Variants in CEP63 observed in about 807,000 individuals in gnomAD.
CEP63 encodes the protein centrosomal protein 63.
CEP63 carries 84 observed loss-of-function variants against 89.1 expected under a neutral mutation model. The ratio of observed to expected loss-of-function variants is 0.94; its 90% CI spans 0.79 to 1.13. The LOEUF is 1.13. Ranked by LOEUF, CEP63 falls within the 50% of genes most tolerant of loss-of-function variation. The pLI, the probability that CEP63 is intolerant of heterozygous loss-of-function variation, is 0.00. For missense variants in CEP63, 838 were observed against 813.3 expected (o/e 1.03, Z -0.37); for synonymous variants, 267 against 272.5 (o/e 0.98, Z 0.20).
the CEP63 span, among the ~76,000 whole-genome samples, chr3:134,692,216 C>T: frequency 1.3e-5 from 2 of 152,092 alleles, no homozygotes; most frequent in African/African-American, 2.4e-5. Context: ...CCCATTAACT[C>T]GTCATTTACA....
downstream of CEP63, among the ~76,000 whole-genome samples, chr3:134,566,665 A>G (rs892583195): frequency 2.6e-5 from 4 of 152,232 alleles, no homozygotes; most frequent in Non-Finnish European, 5.9e-5. Context: ...ACAGATGGCT[A>G]TTAAGCAAAT....
the CEP63 span, among the ~76,000 whole-genome samples, chr3:134,689,953 T>A: frequency 3.3e-5 from 5 of 152,206 alleles, no homozygotes; most frequent in Non-Finnish European, 7.3e-5. Context: ...CCTGACAGAA[T>A]TTTTGCATAT....
chr3:134,572,857 A>AT (rs1240336449), intron 11 of CEP63, among the ~76,000 whole-genome samples: 3 of 152,172 alleles, frequency 2.0e-5, no homozygotes, highest in Admixed American at 2.0e-4. Flanking sequence ...GGCTGTACTA[A>AT]TTTATATTCT....
the CEP63 span, among the ~76,000 whole-genome samples, chr3:134,769,463 G>A: frequency 1.3e-5 from 2 of 152,210 alleles, 1 homozygote; most frequent in Admixed American, 1.3e-4. Flanking sequence ...AGCTGCCTAA[G>A]ACTGCATGTG....
chr3:134,707,348 G>A, the CEP63 span, among the ~76,000 whole-genome samples: 1 of 152,276 alleles, frequency 6.6e-6, no homozygotes, highest in African/African-American at 2.4e-5. Flanking sequence ...AATAAGGAAG[G>A]CCTGATACAT....
the CEP63 span, chr3:134,601,234 C>T: frequency 4.3e-5 from 6 of 140,930 alleles, no homozygotes; most frequent in African/African-American, 1.6e-4. Flanking sequence ...GCTGTCTTTA[C>T]AAAGGGGGTG....
At chr3:134,497,510 C>T (rs193018834) in intron 2 of CEP63, among the ~76,000 whole-genome samples, 1 of 152,082 alleles carries the variant, frequency 6.6e-6, no homozygotes, top group Non-Finnish European at 1.5e-5. Flanking sequence ...TATCTGGGAC[C>T]ATAGGCATGT....
chr3:134,633,215 C>A, the CEP63 span, among the ~76,000 whole-genome samples: 1 of 151,954 alleles, frequency 6.6e-6, no homozygotes, highest in South Asian at 2.1e-4. Flanking sequence ...TAGGATCTTT[C>A]GTAAAACAGA....
At chr3:134,603,744 G>C in the CEP63 span, 1 of 1,612,474 alleles carries the variant, frequency 6.2e-7, no homozygotes, top group East Asian at 2.2e-5. Context: ...CCTTCACCAG[G>C]ACTTTGGCAA....
chr3:134,667,637 G>C, the CEP63 span, among the ~76,000 whole-genome samples: 2 of 152,368 alleles, frequency 1.3e-5, no homozygotes, highest in African/African-American at 4.8e-5. Context: ...GAGACACACT[G>C]ACTGGGTGTT....
intron 3 of CEP63, among the ~76,000 whole-genome samples, chr3:134,528,490 G>T (rs892644738): frequency 1.3e-5 from 2 of 152,096 alleles, no homozygotes; most frequent in African/African-American, 4.8e-5. Flanking sequence ...TAATTCTGCA[G>T]GTGGGTCTTG....
the CEP63 span, among the ~76,000 whole-genome samples, chr3:134,632,340 A>G: frequency 6.6e-6 from 1 of 152,182 alleles, no homozygotes; most frequent in Non-Finnish European, 1.5e-5. Flanking sequence ...TTGAATAATC[A>G]CCAAGATGGA....
intron 5 of CEP63, among the ~76,000 whole-genome samples, chr3:134,534,651 C>A (rs1005088039): frequency 6.6e-6 from 1 of 152,298 alleles, no homozygotes; most frequent in Non-Finnish European, 1.5e-5. Flanking sequence ...TTAAGTCCAC[C>A]TTTCTGCCCA....
upstream of CEP63, chr3:134,485,991 G>GCCCCCCCCC (rs5852785): frequency 4.4e-4 from 414 of 940,064 alleles, 3 homozygotes; most frequent in African/African-American, 3.8e-3. Flanking sequence ...CTCCTGCCAC[G>GCCCCCCCCC]CCCCCCCCCC....
At chr3:134,716,845 T>C in the CEP63 span, among the ~76,000 whole-genome samples, 1 of 152,142 alleles carries the variant, frequency 6.6e-6, no homozygotes, top group African/African-American at 2.4e-5. Context: ...ACAGGGAGAA[T>C]GCTAGGCAGG....
the CEP63 span, among the ~76,000 whole-genome samples, chr3:134,666,303 A>C: frequency 2.6e-5 from 4 of 152,224 alleles, no homozygotes; most frequent in Admixed American, 2.6e-4. Flanking sequence ...CCTGCGGGGC[A>C]TGTGCAAATG....
the CEP63 span, among the ~76,000 whole-genome samples, chr3:134,711,683 C>T: frequency 6.6e-6 from 1 of 152,036 alleles, no homozygotes. Flanking sequence ...GAAGGCTTTG[C>T]ACCATTGTCT....
the CEP63 span, among the ~76,000 whole-genome samples, chr3:134,664,599 G>A: frequency 6.6e-6 from 1 of 152,160 alleles, no homozygotes; most frequent in Admixed American, 6.5e-5. Flanking sequence ...TGGCAAGGAT[G>A]GGGCCATTTG....
the CEP63 span, among the ~76,000 whole-genome samples, chr3:134,685,288 T>C: frequency 6.6e-6 from 1 of 152,134 alleles, no homozygotes; most frequent in Non-Finnish European, 1.5e-5. Context: ...GGGGGAACTC[T>C]GACCACCTAG....
Sources: gnomAD v4.1 joint callset for allele counts (sites outside exome capture counted in the v4.1 genomes callset) on GRCh38, gnomAD v4.1.1 for gene constraint, MANE v1.5 for transcripts, NCBI Gene and HGNC (gene_info 2026-07-23, HGNC 2026-07-21) for gene names.